The following NEBL variants were observed in gnomAD, a reference collection of about 807,000 sequenced individuals.
The protein encoded by NEBL is LIM and SH3 protein 2.
Under a neutral mutation model 140.2 loss-of-function variants are expected in NEBL, and 122 were observed. The observed-to-expected ratio is 0.87, with a 90% CI of 0.75 to 1.01. The LOEUF (loss-of-function observed/expected upper bound fraction) is 1.01, where lower values mean the gene tolerates loss of function less well. Ranked by LOEUF, NEBL falls within the 50% of genes least tolerant of loss-of-function variation. NEBL has a pLI of 0.00. For synonymous variants in NEBL, 436 were observed against 398.9 expected (o/e 1.09, Z -1.11); for missense variants, 1,365 against 1,231.3 (o/e 1.11, Z -1.62).
At chr10:21,029,907 C>T (rs1271788241) in intron 2 of NEBL, 6 of 621,404 alleles carry the variant, frequency 9.7e-6, no homozygotes, top group African/African-American at 7.3e-5. Context: ...AAGACCGATA[C>T]AACAGATGGG....
At chr10:21,264,696 T>TTAAA (rs1842778122) in intron 1 of NEBL, among the ~76,000 whole-genome samples, 1 of 30,686 alleles carries the variant, frequency 3.3e-5, no homozygotes, top group Non-Finnish European at 6.2e-5. Context: ...AGTTGCTATT[T>TTAAA]AAAAAAAAAA....
intron 17 of NEBL, among the ~76,000 whole-genome samples, chr10:20,826,857 C>T (rs570361633): frequency 6.6e-6 from 1 of 152,236 alleles, no homozygotes; most frequent in South Asian, 2.1e-4. Context: ...ATATATGTCC[C>T]ATGTGTATTT....
At chr10:21,104,994 CT>C (rs1388904443) in intron 2 of NEBL, among the ~76,000 whole-genome samples, 1 of 151,972 alleles carries the variant, frequency 6.6e-6, no homozygotes, top group Non-Finnish European at 1.5e-5. Context: ...ATTGTTTTTC[CT>C]TTTTAGTCTG....
intron 2 of NEBL, among the ~76,000 whole-genome samples, chr10:21,078,453 G>A (rs529980379): frequency 6.6e-5 from 10 of 152,274 alleles, no homozygotes; most frequent in South Asian, 2.1e-4. Context: ...AAATAGAGTC[G>A]TGTATGTTGT....
intron 2 of NEBL, among the ~76,000 whole-genome samples, chr10:21,026,133 C>T (rs1377149668): frequency 1.3e-5 from 2 of 152,154 alleles, no homozygotes; most frequent in African/African-American, 2.4e-5. Context: ...ACAACTCAGA[C>T]ATATAAAGCT....
chr10:21,075,659 C>T (rs1208010092), intron 2 of NEBL, among the ~76,000 whole-genome samples: 2 of 152,192 alleles, frequency 1.3e-5, no homozygotes, highest in Admixed American at 6.5e-5. Flanking sequence ...TTTTCCTCAA[C>T]TCTTAGCTTC....
chr10:21,292,042 T>C (rs1843151597), intron 1 of NEBL, among the ~76,000 whole-genome samples: 1 of 152,238 alleles, frequency 6.6e-6, no homozygotes, highest in African/African-American at 2.4e-5. Context: ...AGTCCAGCTA[T>C]ATCTTTGTAA....
intron 2 of NEBL, among the ~76,000 whole-genome samples, chr10:21,144,482 T>C (rs1839796513): frequency 6.6e-6 from 1 of 152,158 alleles, no homozygotes. Flanking sequence ...TCCCAGCACT[T>C]TGGGAGGCCG....
chr10:20,951,699 A>G (rs1022390255), intron 4 of NEBL, among the ~76,000 whole-genome samples: 2 of 152,196 alleles, frequency 1.3e-5, no homozygotes, highest in African/African-American at 4.8e-5. Flanking sequence ...TGACATTATA[A>G]TTATATGGCC....
chr10:20,868,339 TG>T, intron 7 of NEBL: 1 of 285,250 alleles, frequency 3.5e-6, no homozygotes, highest in Non-Finnish European at 6.7e-6. Context: ...TGTGTGTGTG[TG>T]TAGGTTAAAA....
At chr10:20,874,173 T>C (rs1454561474) in intron 5 of NEBL, among the ~76,000 whole-genome samples, 1 of 152,216 alleles carries the variant, frequency 6.6e-6, no homozygotes. Flanking sequence ...CTCATTTATC[T>C]AAGTCATTCT....
intron 3 of NEBL, among the ~76,000 whole-genome samples, chr10:21,190,687 T>C (rs886466267): frequency 6.6e-5 from 10 of 152,194 alleles, no homozygotes; most frequent in Admixed American, 5.2e-4. Context: ...TAAAGGATCA[T>C]TAAGAATAGA....
chr10:20,929,674 A>C (rs1160269502), intron 4 of NEBL, among the ~76,000 whole-genome samples: 1 of 138,878 alleles, frequency 7.2e-6, no homozygotes, highest in Non-Finnish European at 1.5e-5. Flanking sequence ...ACATGTTCTC[A>C]TTTACAAGTG....
rs74577799 is a variant in NEBL at position 20,800,680 on chromosome 10, G to A, written c.2761+7830C>T. ...AGTGTTTCTGCTCTTCTGCATAAACGACAAATGCTCACAATAAGAGAGGTT... is the reference window on the plus strand; with the variant it reads ...AGTGTTTCTGCTCTTCTGCATAAACAACAAATGCTCACAATAAGAGAGGTT... On this transcript the variant is annotated intron_variant, in intron 26 of 27. Transcript: ENST00000377122. Among the ~76,000 whole-genome samples the A allele has an allele frequency of 3.0e-3, 453 of 151,490 alleles. 10 individuals are homozygous for A. In the East Asian group the frequency reaches 0.064, roughly 22 times the overall value.
At chr10:21,067,653 T>C (rs1025306432) in intron 2 of NEBL, among the ~76,000 whole-genome samples, 1 of 152,108 alleles carries the variant, frequency 6.6e-6, no homozygotes, top group Admixed American at 6.5e-5. Flanking sequence ...GGGGGACCTC[T>C]CAGCTTAATC....
chr10:21,153,671 A>G (rs186943793), intron 2 of NEBL, among the ~76,000 whole-genome samples: 275 of 152,224 alleles, frequency 1.8e-3, no homozygotes, highest in African/African-American at 6.0e-3. Flanking sequence ...GCACACCACC[A>G]CAACCAGCTA....
chr10:21,151,483 G>A (rs1242187019), intron 2 of NEBL, among the ~76,000 whole-genome samples: 2 of 152,090 alleles, frequency 1.3e-5, no homozygotes, highest in African/African-American at 2.4e-5. Flanking sequence ...TAGCCCATTA[G>A]TGCTTTATTT....
rs371849156 is a variant in NEBL, at chr10:21,270,596, G to C, written n.183-18768C>G. 4.1e-4 allele frequency among the ~76,000 whole-genome samples: 62 copies of C among 152,238 alleles called. No individual in the cohort carries two copies. In the South Asian group the frequency reaches 9.1e-3, roughly 22 times the overall value. On this transcript the variant is annotated intron_variant and non_coding_transcript_variant, in intron 1 of 8. Transcript: ENST00000675702. Reference sequence around the variant, plus strand: ...TTGGCCAGGCTGGTCTCGAAATCCTGACCTCAAGTGGTCTGCCCACCTTGG... The same window carrying C: ...TTGGCCAGGCTGGTCTCGAAATCCTCACCTCAAGTGGTCTGCCCACCTTGG...
At chr10:21,098,226 G>A (rs990193070) in intron 2 of NEBL, among the ~76,000 whole-genome samples, 6 of 150,968 alleles carry the variant, frequency 4.0e-5, no homozygotes, top group African/African-American at 9.7e-5. Context: ...TCACTCACAC[G>A]TGCACACATA....
Sources: gnomAD v4.1 joint callset for allele counts (sites outside exome capture counted in the v4.1 genomes callset) on GRCh38, gnomAD v4.1.1 for gene constraint, MANE v1.5 for transcripts, NCBI Gene and HGNC (gene_info 2026-07-23, HGNC 2026-07-21) for gene names.